The following MYO9B variants were observed in gnomAD, a reference collection of about 807,000 sequenced individuals.
MYO9B encodes myosin IXB.
Under a neutral mutation model 229.5 loss-of-function variants are expected in MYO9B, and 71 were observed. That is an observed-to-expected ratio of 0.31 (90% confidence interval 0.26 to 0.38). The LOEUF (loss-of-function observed/expected upper bound fraction) is 0.38, where lower values mean the gene tolerates loss of function less well. MYO9B is among the 10% of genes least tolerant of loss of function. The probability of loss-of-function intolerance (pLI) is 1.00; values close to 1 mark genes in which losing one functional copy is unlikely to be tolerated. For missense variants in MYO9B, 2,255 were observed against 2,920.5 expected (o/e 0.77, Z 5.25); for synonymous variants, 1,185 against 1,235.8 (o/e 0.96, Z 0.86).
intron 36 of MYO9B, 125 bp from the exon 37 acceptor site, chr19:17,210,208 C>T (rs1008464476): frequency 8.4e-6 from 8 of 951,358 alleles, no homozygotes; most frequent in East Asian, 5.4e-5. Flanking sequence ...TAGTGGGGAA[C>T]GGGCTCTGGG....
At chr19:17,136,484 A>G (rs1025085533) in intron 2 of MYO9B, among the ~76,000 whole-genome samples, 4 of 152,164 alleles carry the variant, frequency 2.6e-5, no homozygotes, top group African/African-American at 9.7e-5. Flanking sequence ...CAAAGGGACC[A>G]GTGAGCCCCG....
intron 11 of MYO9B, among the ~76,000 whole-genome samples, chr19:17,169,337 A>ACTCCAGC (rs1568282984): frequency 7.3e-6 from 1 of 136,268 alleles, no homozygotes; most frequent in Non-Finnish European, 1.5e-5. Flanking sequence ...ACTCCATTGC[A>ACTCCAGC]CTCCAGCCTG....
Position 17,154,063 on chromosome 19 carries a change from CCAGGTAAA to C in MYO9B, c.1098+1_1098+8del. 6.2e-7 allele frequency: 1 copy of C among 1,611,020 alleles called. No individual in the cohort carries two copies. Among genetic ancestry groups the C allele is most frequent in the Non-Finnish European group, 8.5e-7 (1 of 1,179,064 alleles). On this transcript the variant is annotated splice_donor_variant and splice_donor_5th_base_variant and coding_sequence_variant and intron_variant, in exon 5 of 40. Transcript: ENST00000682292. LOFTEE classifies it high-confidence loss of function. The stretch of plus-strand genomic sequence containing the variant: ...AGCCTGAAGATTATTTCTACCTCAA[CCAGGTAAA>C]CAGCCTCAAGCCCGAGCCACAAACG...
chr19:17,079,268 C>T (rs181321701), intron 1 of MYO9B, among the ~76,000 whole-genome samples: 1 of 152,274 alleles, frequency 6.6e-6, no homozygotes, highest in East Asian at 1.9e-4. Flanking sequence ...GGGGCAGAGA[C>T]CAGGAACTGA....
chr19:17,152,563 C>CAAA (rs199684217), intron 3 of MYO9B, 81 bp from the exon 4 acceptor site: 235 of 915,466 alleles, frequency 2.6e-4, no homozygotes, highest in Admixed American at 4.9e-4. Context: ...ACTCCCATCT[C>CAAA]AAAAAAAAAA....
At chr19:17,079,923 C>G (rs1369615488) in intron 1 of MYO9B, among the ~76,000 whole-genome samples, 1 of 152,200 alleles carries the variant, frequency 6.6e-6, no homozygotes, top group Non-Finnish European at 1.5e-5. Flanking sequence ...TGTCTCCACA[C>G]CAGCCCACCG....
chr19:17,206,814 G>A, intron 34 of MYO9B, 30 bp downstream of exon 34: 1 of 1,524,604 alleles, frequency 6.6e-7, no homozygotes. Context: ...CCCTCTGTGG[G>A]GTTAGGGTCG....
rs2073251340 is a variant in MYO9B at position 17,213,240 on chromosome 19, T to C, written c.*930T>C. ...ACACCTGGACACGTGGCCACAAATCTGGGACAAGGGGCCCCCGCACAGCAT... is the reference window on the plus strand; with the variant it reads ...ACACCTGGACACGTGGCCACAAATCCGGGACAAGGGGCCCCCGCACAGCAT... On this transcript the variant is annotated 3_prime_UTR_variant, in exon 40 of 40. Coordinates refer to ENST00000682292, the MANE Select transcript of MYO9B (RefSeq NM_004145.4). The C allele has an allele frequency of 6.6e-6, 1 of 152,262 alleles. No individual in the cohort carries two copies. Among genetic ancestry groups the C allele is most frequent in the Non-Finnish European group, 1.5e-5 (1 of 68,108 alleles). The allele number at this position is 152,262 out of a possible 1,614,324, so 9.4% of individuals were successfully genotyped here. A position where few individuals can be genotyped will look rare whatever the true frequency, so the allele number is the denominator to read the frequency against.
chr19:17,081,611 C>T (rs149083590), intron 1 of MYO9B, among the ~76,000 whole-genome samples: 63 of 152,030 alleles, frequency 4.1e-4, no homozygotes, highest in African/African-American at 1.4e-3. Flanking sequence ...GAGTTTGAGA[C>T]CAGCCTGGCC....
chr19:17,183,978 T>C, intron 16 of MYO9B, 110 bp downstream of exon 16: 4 of 1,022,440 alleles, frequency 3.9e-6, no homozygotes, highest in East Asian at 2.7e-5. Context: ...TCCCACTATC[T>C]CCCCCTCCCT....
chr19:17,194,076 A>G (rs543753748), intron 21 of MYO9B, among the ~76,000 whole-genome samples: 6 of 152,126 alleles, frequency 3.9e-5, no homozygotes, highest in Admixed American at 3.9e-4. Context: ...GGAGGCTGAG[A>G]CACAAGAATC....
At chr19:17,089,861 G>A (rs1208667280) in intron 1 of MYO9B, among the ~76,000 whole-genome samples, 1 of 152,068 alleles carries the variant, frequency 6.6e-6, no homozygotes. Flanking sequence ...GCCAACACCA[G>A]CTCTATCTGA....
At position 17,210,833 on chromosome 19, in the gene MYO9B, C is replaced by A; in HGVS notation, c.5915C>A (p.Ser1972Tyr). The A allele has an allele frequency of 6.3e-7, 1 of 1,599,200 alleles. No individual in the cohort carries two copies. The highest frequency in any genetic ancestry group is 8.5e-7 in the Non-Finnish European group (1 of 1,173,318). Residue 1972 changes from serine to tyrosine, a missense_variant, in exon 38 of 40, where the codon TCC (serine) becomes TAC (tyrosine). Ser to Tyr is a moderately radical substitution (Grantham distance 144, BLOSUM62 -2). This residue lies in a region of MYO9B where 331 missense variants were observed against 332.5 expected (regional missense o/e 1.00). Transcript: ENST00000682292. Reference protein sequence around the residue: ...EKEILIERIQSIKEEKEDITY... With the variant: ...EKEILIERIQYIKEEKEDITY... ...GAGATTCTCATTGAACGGATCCAGT[C>A]CATCAAGGAGGAGAAGCAAGTGGCT...
chr19:17,165,245 C>G (rs768869717), intron 10 of MYO9B, among the ~76,000 whole-genome samples: 2 of 151,600 alleles, frequency 1.3e-5, no homozygotes, highest in Non-Finnish European at 2.9e-5. Flanking sequence ...TCTGTAGTCC[C>G]AACTACTGAG....
chr19:17,099,404 T>G (rs941587091), intron 1 of MYO9B: 2 of 152,014 alleles, frequency 1.3e-5, no homozygotes, highest in African/African-American at 4.8e-5. Flanking sequence ...GTGAACAAAT[T>G]TCCCGTTGGG....
In MYO9B at chr19:17,181,071, G is replaced by A. The variant is rs757471089; in HGVS notation, c.2333+31G>A. The A allele has an allele frequency of 4.0e-6, 6 of 1,502,506 alleles. No homozygotes were observed. In the South Asian group the frequency reaches 5.9e-5, roughly 15 times the overall value. The allele number at this position is 1,502,506 out of a possible 1,614,324, so 93.1% of individuals were successfully genotyped here. A position where few individuals can be genotyped will look rare whatever the true frequency, so the allele number is the denominator to read the frequency against. Reference sequence around the variant, plus strand: ...TCCCCCACCAAGGCCCTGCTTACAAGTGCGACAACCGCCTCCCACTACTCC... The same window carrying A: ...TCCCCCACCAAGGCCCTGCTTACAAATGCGACAACCGCCTCCCACTACTCC... On this transcript the variant is annotated intron_variant, in intron 15 of 39. Transcript: ENST00000682292.
chr19:17,204,899 C>G (rs145043010), intron 30 of MYO9B, among the ~76,000 whole-genome samples: 1,770 of 152,206 alleles, frequency 0.012, 30 homozygotes, highest in African/African-American at 0.04. Flanking sequence ...CGCCTCTAAT[C>G]CCAACACTTT....
At chr19:17,186,324 C>T (rs2072919239) in intron 18 of MYO9B, among the ~76,000 whole-genome samples, 2 of 152,162 alleles carry the variant, frequency 1.3e-5, no homozygotes, top group African/African-American at 4.8e-5. Flanking sequence ...ATAGCAGAGT[C>T]TCAGAGGCAC....
At chr19:17,197,959 C>T in intron 23 of MYO9B, 101 bp downstream of exon 23, 3 of 1,470,674 alleles carry the variant, frequency 2.0e-6, no homozygotes, top group Admixed American at 3.5e-5. Flanking sequence ...GAGGCTGAGG[C>T]GAGAGAATCG....
Sources: gnomAD v4.1 joint callset for allele counts (sites outside exome capture counted in the v4.1 genomes callset) on GRCh38, gnomAD v4.1.1 for gene constraint, gnomAD v4.1.1 regional missense constraint, MANE v1.5 for transcripts, NCBI Gene and HGNC (gene_info 2026-07-23, HGNC 2026-07-21) for gene names.